Variants in CDADC1 observed in about 807,000 individuals in gnomAD.
CDADC1 encodes the protein dCTP deaminase.
In CDADC1, 39 loss-of-function variants were observed where a neutral mutation model predicts 54.9. The ratio of observed to expected loss-of-function variants is 0.71; its 90% CI spans 0.55 to 0.93. The LOEUF (loss-of-function observed/expected upper bound fraction) is 0.93. Among genes scored for constraint, CDADC1 ranks in the 40% least tolerant of loss-of-function variants. The pLI is 0.00. For synonymous variants in CDADC1, 186 were observed against 204.0 expected (o/e 0.91, Z 0.75); for missense variants, 518 against 618.8 (o/e 0.84, Z 1.73).
chr13:49,284,408 A>C (rs1953446544), intron 8 of CDADC1, among the ~76,000 whole-genome samples: 1 of 152,216 alleles, frequency 6.6e-6, no homozygotes, highest in Non-Finnish European at 1.5e-5. Context: ...TCCAACCCAT[A>C]GGCCTAACTT....
chr13:49,248,220 C>T, intron 1 of CDADC1, 101 bp downstream of exon 1: 1 of 1,066,544 alleles, frequency 9.4e-7, no homozygotes, highest in African/African-American at 1.6e-5. Context: ...CTCTTTGCCT[C>T]CCCTGCTGCT....
intron 4 of CDADC1, among the ~76,000 whole-genome samples, chr13:49,260,036 G>A (rs573589482): frequency 6.6e-6 from 1 of 152,228 alleles, no homozygotes; most frequent in Admixed American, 6.5e-5. Flanking sequence ...CAAGGCTGTA[G>A]TGAGCTATGA....
In CDADC1 at chr13:49,268,680, G is replaced by A. The variant is rs117537685; in HGVS notation, c.1000+621G>A. ...ACTCTATCTCCAAAAAAAGAAAAAG[G>A]AGAAAACCAAAATTATTCATTTTTG... On this transcript the variant is annotated intron_variant, in intron 5 of 9. Coordinates refer to ENST00000251108, the MANE Select transcript of CDADC1 (RefSeq NM_030911.4). Among the ~76,000 whole-genome samples, 614 of 152,158 alleles carry A rather than the reference G, an allele frequency of 4.0e-3. 4 individuals are homozygous for A. Among genetic ancestry groups the A allele is most frequent in the Non-Finnish European group, 7.6e-3 (515 of 67,990 alleles).
rs77107877 is a variant in CDADC1, at chr13:49,271,726, T to C, written c.1001-2565T>C. ...GGGAGCTAAAATAACCACACCTGTGTTCTAGAACAAAAAGTTCCCCTCTGA... is the reference window on the plus strand; with the variant it reads ...GGGAGCTAAAATAACCACACCTGTGCTCTAGAACAAAAAGTTCCCCTCTGA... On this transcript the variant is annotated intron_variant, in intron 5 of 9. Coordinates refer to ENST00000251108, the MANE Select transcript of CDADC1 (RefSeq NM_030911.4). Among the ~76,000 whole-genome samples the C allele has an allele frequency of 4.5e-3, 686 of 152,188 alleles. 10 individuals carry two copies. In the East Asian group the frequency reaches 0.046, roughly 10 times the overall value.
At chr13:49,269,828 C>T (rs1924661) in intron 5 of CDADC1, among the ~76,000 whole-genome samples, 47,790 of 152,044 alleles carry the variant, frequency 0.31, 7,590 homozygotes, top group East Asian at 0.5. Context: ...TGTTTAAAGA[C>T]GCAGTATGTA....
chr13:49,270,666 C>G (rs1466098498), intron 5 of CDADC1, among the ~76,000 whole-genome samples: 2 of 152,180 alleles, frequency 1.3e-5, no homozygotes, highest in Non-Finnish European at 2.9e-5. Flanking sequence ...ATAAATAACT[C>G]AATTTGGGTC....
intron 3 of CDADC1, 59 bp from the exon 4 acceptor site, chr13:49,259,287 C>G: frequency 3.5e-6 from 4 of 1,138,624 alleles, no homozygotes; most frequent in Non-Finnish European, 5.0e-6. Flanking sequence ...CAAGTATAAT[C>G]CATAATATGA....
chr13:49,292,637 A>C lies in CDADC1; in HGVS notation c.*880A>C. ...CTTTTAAAAACATTTGCCAACCTCA[A>C]GAATAAATACTGAAAGTCTTGAAAG... On this transcript the variant is annotated 3_prime_UTR_variant, in exon 10 of 10. Transcript: ENST00000251108. The C allele has an allele frequency of 8.5e-7, 1 of 1,179,146 alleles. No homozygotes were observed. The highest frequency in any genetic ancestry group is 1.1e-6 in the Non-Finnish European group (1 of 939,272). 73.0% of individuals were successfully genotyped at this position (1,179,146 alleles called of 1,614,324 possible). A position where few individuals can be genotyped will look rare whatever the true frequency, so the allele number is the denominator to read the frequency against.
At position 49,280,585 on chromosome 13, in the gene CDADC1, A is replaced by G. The variant is rs1269900929; in HGVS notation, c.1297A>G (p.Ile433Val). ...CCCATGTGATGAGTGTGTACCTTTA[A>G]TTAAAGGTGCAGGCATAAAACAAAT... ...KCPCDECVPL[I>V]KGAGIKQIYA... The change falls in exon 8 of 10, where the codon ATT becomes GTT. Residue 433 changes from isoleucine (I) to valine (V), a missense_variant. Ile to Val is a conservative substitution (Grantham distance 29, BLOSUM62 3). Coordinates refer to ENST00000251108, the MANE Select transcript of CDADC1 (RefSeq NM_030911.4). 1 of 1,582,926 alleles carries G rather than the reference A, an allele frequency of 6.3e-7. No individual in the cohort carries two copies. The highest frequency in any genetic ancestry group is 1.2e-5 in the South Asian group (1 of 86,718).
intron 2 of CDADC1, among the ~76,000 whole-genome samples, chr13:49,252,189 GGT>G (rs1952450242): frequency 6.6e-6 from 1 of 152,106 alleles, no homozygotes; most frequent in African/African-American, 2.4e-5. Context: ...TCACTGCATT[GGT>G]GTCTTTCCAG....
chr13:49,264,555 C>CA (rs140774111), intron 4 of CDADC1, among the ~76,000 whole-genome samples: 91,671 of 103,816 alleles, frequency 0.88, 40,775 homozygotes, highest in East Asian at 0.96. Flanking sequence ...CCATCTCTAC[C>CA]AAAAAAAAAA....
intron 8 of CDADC1, 108 bp from the exon 9 acceptor site, chr13:49,286,114 A>T (rs964848832): frequency 8.7e-6 from 8 of 921,780 alleles, no homozygotes; most frequent in Admixed American, 4.0e-5. Flanking sequence ...ATGCCCAGCC[A>T]TTTTTCTTCC....
rs746954267 is a variant in CDADC1, at chr13:49,286,279, G to A, written c.1468G>A (p.Glu490Lys). The A allele has an allele frequency of 6.2e-7, 1 of 1,610,692 alleles. No individual in the cohort carries two copies. The highest frequency in any genetic ancestry group is 8.5e-7 in the Non-Finnish European group (1 of 1,177,042). ...TGAACAAAATGAGCCTGAAAGGAGA[G>A]AAAGTAAGTATTTATGTATTGAGGT... ...GLEQNEPERR[E>K]NGVLRPVPQK... The change falls in exon 9 of 10, where the codon GAA becomes AAA. Residue 490 changes from glutamate (E) to lysine (K), a missense_variant. Transcript: ENST00000251108.
At chr13:49,279,877 C>T (rs1157142729) in intron 7 of CDADC1, among the ~76,000 whole-genome samples, 1 of 152,164 alleles carries the variant, frequency 6.6e-6, no homozygotes, top group African/African-American at 2.4e-5. Context: ...TATTCTTTTC[C>T]TTGTCCTCTT....
chr13:49,286,929 G>A (rs534120833), intron 9 of CDADC1, among the ~76,000 whole-genome samples: 3 of 152,226 alleles, frequency 2.0e-5, no homozygotes, highest in African/African-American at 4.8e-5. Context: ...GGTCACTCAC[G>A]CCTATAATCC....
intron 6 of CDADC1, among the ~76,000 whole-genome samples, chr13:49,275,689 TTATATATATATATATATATATATATA>T (rs371106804): frequency 2.3e-4 from 10 of 43,102 alleles, no homozygotes; most frequent in Non-Finnish European, 2.0e-4. Flanking sequence ...TTTCTAGGTG[TTATATATATATATATATATATATATA>T]TATATATATA....
intron 4 of CDADC1, among the ~76,000 whole-genome samples, chr13:49,262,336 G>A (rs750551275): frequency 6.6e-5 from 10 of 151,968 alleles, no homozygotes; most frequent in Non-Finnish European, 1.2e-4. Context: ...CCAGCTACTC[G>A]GGAGGCTGAG....
At chr13:49,264,603 A>G (rs1952770147) in intron 4 of CDADC1, among the ~76,000 whole-genome samples, 2 of 151,458 alleles carry the variant, frequency 1.3e-5, no homozygotes, top group Non-Finnish European at 2.9e-5. Context: ...CACACCTGCA[A>G]TCACAGCCAA....
At chr13:49,265,754 G>T (rs1349251885) in intron 4 of CDADC1, 6 of 685,214 alleles carry the variant, frequency 8.8e-6, no homozygotes, top group Non-Finnish European at 1.2e-5. Flanking sequence ...GCTTTTTGGA[G>T]TCCTCAATAA....
Sources: gnomAD v4.1 joint callset for allele counts (sites outside exome capture counted in the v4.1 genomes callset) on GRCh38, gnomAD v4.1.1 for gene constraint, MANE v1.5 for transcripts, NCBI Gene and HGNC (gene_info 2026-07-23, HGNC 2026-07-21) for gene names.